ADAMTSL1: variants seen among roughly 807,000 people sequenced by gnomAD.
The protein encoded by ADAMTSL1 is ADAMTS-like protein 1.
A neutral mutation model predicts 201.8 loss-of-function variants in ADAMTSL1; 126 were observed. The observed-to-expected ratio is 0.62, with a 90% confidence interval of 0.54 to 0.72. ADAMTSL1 has a LOEUF of 0.72. Among genes scored for constraint, ADAMTSL1 ranks in the 30% least tolerant of loss-of-function variants. The probability of loss-of-function intolerance (pLI) is 0.00; values close to 1 mark genes in which losing one functional copy is unlikely to be tolerated. For missense variants in ADAMTSL1, 2,679 were observed against 2,277.8 expected, an observed-to-expected ratio of 1.18 and a Z score of -3.59; for synonymous variants, 1,121 against 903.4, an observed-to-expected ratio of 1.24 and a Z score of -4.32.
intron 21 of ADAMTSL1, among the ~76,000 whole-genome samples, chr9:18,820,909 G>A (rs1265318524): frequency 6.6e-6 from 1 of 152,182 alleles, no homozygotes; most frequent in Non-Finnish European, 1.5e-5. Context: ...AATGTGCAAA[G>A]GGCCTGAGGT....
chr9:18,892,107 ATT>A (rs1344057521), intron 25 of ADAMTSL1, among the ~76,000 whole-genome samples: 7 of 152,238 alleles, frequency 4.6e-5, no homozygotes, highest in African/African-American at 4.8e-5. Flanking sequence ...TATGGCAGGC[ATT>A]TAGGGCCCAG....
At chr9:18,072,055 A>G (rs1822994991) in intron 1 of ADAMTSL1, among the ~76,000 whole-genome samples, 2 of 152,164 alleles carry the variant, frequency 1.3e-5, no homozygotes, top group South Asian at 4.1e-4. Flanking sequence ...GAACAAGAAC[A>G]TTGCCATTCG....
intron 19 of ADAMTSL1, chr9:18,793,248 C>T (rs1001855289): frequency 3.3e-5 from 5 of 152,192 alleles, no homozygotes; most frequent in African/African-American, 4.8e-5. Flanking sequence ...CCTGCCTTTC[C>T]TCTGACAGGA....
chr9:18,176,574 G>GA (rs1394043796), intron 2 of ADAMTSL1, among the ~76,000 whole-genome samples: 1 of 152,122 alleles, frequency 6.6e-6, no homozygotes, highest in African/African-American at 2.4e-5. Context: ...AAGAAGAAAT[G>GA]AAAAGCAGTT....
At chr9:18,040,891 G>T (rs181910542) in intron 1 of ADAMTSL1, among the ~76,000 whole-genome samples, 1 of 152,036 alleles carries the variant, frequency 6.6e-6, no homozygotes, top group Non-Finnish European at 1.5e-5. Context: ...TATTTGTTCC[G>T]TTGTTAACAA....
At chr9:18,486,752 T>A (rs538231093) in intron 1 of ADAMTSL1, among the ~76,000 whole-genome samples, 22 of 152,102 alleles carry the variant, frequency 1.4e-4, no homozygotes, top group Non-Finnish European at 3.2e-4. Context: ...TTTGAAAGCT[T>A]TACCTCCCTC....
At chr9:18,327,530 T>G (rs569867000) in intron 2 of ADAMTSL1, among the ~76,000 whole-genome samples, 2 of 152,342 alleles carry the variant, frequency 1.3e-5, no homozygotes, top group Non-Finnish European at 1.5e-5. Flanking sequence ...AACAGTATGT[T>G]CTCCTCATTT....
At chr9:18,799,673 A>G (rs1482233728) in intron 20 of ADAMTSL1, among the ~76,000 whole-genome samples, 3 of 152,200 alleles carry the variant, frequency 2.0e-5, no homozygotes, top group Non-Finnish European at 4.4e-5. Context: ...TTGAAAGGAG[A>G]GAACACAGAT....
chr9:18,160,791 C>T (rs1827351299), intron 1 of ADAMTSL1, among the ~76,000 whole-genome samples: 1 of 151,376 alleles, frequency 6.6e-6, no homozygotes, highest in African/African-American at 2.4e-5. Flanking sequence ...GCAATCCTCC[C>T]ACCTCATCCT....
intron 2 of ADAMTSL1, among the ~76,000 whole-genome samples, chr9:18,246,796 A>G (rs553220279): frequency 9.8e-4 from 149 of 152,276 alleles, no homozygotes; most frequent in African/African-American, 3.2e-3. Context: ...CCACGGCACC[A>G]CTATCAGTAA....
intron 13 of ADAMTSL1, among the ~76,000 whole-genome samples, chr9:18,705,788 G>C (rs1267090710): frequency 6.6e-6 from 1 of 152,112 alleles, no homozygotes. Context: ...CAGAATATGA[G>C]AGCCAGACTA....
chr9:18,222,694 T>C (rs1830310048), intron 2 of ADAMTSL1, among the ~76,000 whole-genome samples: 1 of 151,062 alleles, frequency 6.6e-6, no homozygotes, highest in Non-Finnish European at 1.5e-5. Context: ...ACCTAAATCC[T>C]GGGAGAATTT....
intron 13 of ADAMTSL1, chr9:18,685,023 G>C: frequency 1.6e-6 from 2 of 1,266,234 alleles, no homozygotes; most frequent in Non-Finnish European, 2.0e-6. Context: ...GAAAATGAAG[G>C]TGTAGTGCTT....
intron 2 of ADAMTSL1, among the ~76,000 whole-genome samples, chr9:18,454,335 TG>T (rs1397992280): frequency 6.6e-6 from 1 of 152,192 alleles, no homozygotes; most frequent in African/African-American, 2.4e-5. Context: ...TCTCCTTTTT[TG>T]TTCCATCCAG....
intron 1 of ADAMTSL1, among the ~76,000 whole-genome samples, chr9:17,960,326 G>T (rs912059488): frequency 7.9e-5 from 12 of 152,212 alleles, no homozygotes; most frequent in African/African-American, 2.9e-4. Flanking sequence ...TGTCAGCCTT[G>T]AGGGACACTG....
At chr9:18,671,480 C>G (rs924018182) in intron 9 of ADAMTSL1, among the ~76,000 whole-genome samples, 1 of 152,106 alleles carries the variant, frequency 6.6e-6, no homozygotes, top group Non-Finnish European at 1.5e-5. Flanking sequence ...GAGATGACAA[C>G]TGGAAGAACT....
chr9:17,926,891 C>T (rs1397649028), intron 1 of ADAMTSL1, among the ~76,000 whole-genome samples: 2 of 152,146 alleles, frequency 1.3e-5, no homozygotes, highest in Non-Finnish European at 1.5e-5. Context: ...TATTTTAAAA[C>T]TTATGGTAGA....
intron 1 of ADAMTSL1, among the ~76,000 whole-genome samples, chr9:18,140,354 A>G (rs1826345105): frequency 2.0e-5 from 3 of 152,160 alleles, no homozygotes; most frequent in African/African-American, 7.2e-5. Context: ...GCTATGATAC[A>G]AAGTAAGATC....
At chr9:18,448,325 C>T (rs1022617621) in intron 2 of ADAMTSL1, among the ~76,000 whole-genome samples, 4 of 152,098 alleles carry the variant, frequency 2.6e-5, no homozygotes, top group African/African-American at 4.8e-5. Context: ...TAGCCATCCA[C>T]CTGCTGTCAG....
Sources: gnomAD v4.1 joint callset for allele counts (sites outside exome capture counted in the v4.1 genomes callset) on GRCh38, gnomAD v4.1.1 for gene constraint, MANE v1.5 for transcripts, NCBI Gene and HGNC (gene_info 2026-07-23, HGNC 2026-07-21) for gene names.